The following FNDC3B variants were observed in gnomAD, a reference collection of about 807,000 sequenced individuals.
FNDC3B encodes the protein fibronectin type III domain containing 3B.
In FNDC3B, 12 loss-of-function variants were observed where a neutral mutation model predicts 151.5. The observed-to-expected ratio is 0.08, with a 90% CI of 0.05 to 0.13. The LOEUF (loss-of-function observed/expected upper bound fraction) is 0.13. Among genes scored for constraint, FNDC3B ranks in the 10% least tolerant of loss-of-function variants. The pLI is 1.00. For missense variants in FNDC3B, 1,214 were observed against 1,505.3 expected (o/e 0.81, Z 3.20); for synonymous variants, 528 against 549.0 (o/e 0.96, Z 0.54).
At chr3:172,275,729 C>G (rs913754076) in intron 6 of FNDC3B, among the ~76,000 whole-genome samples, 9 of 152,294 alleles carry the variant, frequency 5.9e-5, no homozygotes, top group Admixed American at 5.2e-4. Context: ...CTTAACTTTT[C>G]ATTTTAGTTC....
intron 3 of FNDC3B, among the ~76,000 whole-genome samples, chr3:172,160,618 G>C (rs1722718648): frequency 1.3e-5 from 2 of 152,186 alleles, no homozygotes; most frequent in Admixed American, 1.3e-4. Context: ...GTCAGTTTGG[G>C]CTAGGGGGCC....
intron 3 of FNDC3B, among the ~76,000 whole-genome samples, chr3:172,168,719 C>CCTTT (rs1553768473): frequency 7.5e-6 from 1 of 133,194 alleles, no homozygotes; most frequent in Non-Finnish European, 1.6e-5. Flanking sequence ...TTTTCTTTTA[C>CCTTT]TTTTTTTTTT....
chr3:172,190,587 G>A (rs1264409949), intron 3 of FNDC3B, among the ~76,000 whole-genome samples: 1 of 152,208 alleles, frequency 6.6e-6, no homozygotes, highest in Non-Finnish European at 1.5e-5. Flanking sequence ...ATTTTATTGT[G>A]ACGCCTTCTA....
intron 3 of FNDC3B, among the ~76,000 whole-genome samples, chr3:172,224,665 G>T (rs1281203915): frequency 6.6e-6 from 1 of 152,142 alleles, no homozygotes; most frequent in Non-Finnish European, 1.5e-5. Context: ...GATGCATTGT[G>T]TGCACGTTTA....
chr3:172,254,741 T>G (rs939848914), intron 6 of FNDC3B, among the ~76,000 whole-genome samples: 2 of 152,190 alleles, frequency 1.3e-5, no homozygotes, highest in African/African-American at 4.8e-5. Flanking sequence ...AGGCCCATAG[T>G]ACACTCTGAG....
intron 10 of FNDC3B, among the ~76,000 whole-genome samples, chr3:172,307,922 A>G (rs1196741758): frequency 2.0e-5 from 3 of 152,232 alleles, no homozygotes; most frequent in African/African-American, 4.8e-5. Context: ...AGCAACACGT[A>G]TAAGTGATAT....
intron 3 of FNDC3B, among the ~76,000 whole-genome samples, chr3:172,175,498 A>G (rs1489437285): frequency 6.6e-6 from 1 of 152,204 alleles, no homozygotes; most frequent in Non-Finnish European, 1.5e-5. Context: ...CATTGCTGAA[A>G]GGCAAATTCT....
intron 1 of FNDC3B, among the ~76,000 whole-genome samples, chr3:172,074,099 C>T (rs1386270612): frequency 2.6e-5 from 4 of 152,204 alleles, no homozygotes; most frequent in African/African-American, 9.6e-5. Flanking sequence ...ATATAATTGT[C>T]TGCAAATGAA....
At chr3:172,170,605 G>A (rs1044569027) in intron 3 of FNDC3B, among the ~76,000 whole-genome samples, 8 of 152,202 alleles carry the variant, frequency 5.3e-5, no homozygotes, top group African/African-American at 1.9e-4. Flanking sequence ...CAGTAGCCAG[G>A]TGGGCTTGGC....
intron 4 of FNDC3B, among the ~76,000 whole-genome samples, chr3:172,238,185 A>G (rs1727267686): frequency 1.3e-5 from 2 of 151,960 alleles, no homozygotes; most frequent in African/African-American, 4.8e-5. Flanking sequence ...TTAATTTTTG[A>G]TTTTTATTTT....
chr3:172,042,007 A>C (rs1716106520), intron 1 of FNDC3B, among the ~76,000 whole-genome samples: 1 of 152,196 alleles, frequency 6.6e-6, no homozygotes, highest in African/African-American at 2.4e-5. Context: ...TTAAAAAAAA[A>C]ATCAGTCATT....
At chr3:172,373,631 A>G (rs1038375225) in intron 23 of FNDC3B, among the ~76,000 whole-genome samples, 3 of 152,230 alleles carry the variant, frequency 2.0e-5, no homozygotes, top group Non-Finnish European at 4.4e-5. Context: ...TAAAAAAGAT[A>G]TAGGAGCAAG....
chr3:172,332,026 G>A lies in FNDC3B; in HGVS notation c.1555-1063G>A, dbSNP rs189615970. Among the ~76,000 whole-genome samples, 23 of 152,188 alleles carry A rather than the reference G, an allele frequency of 1.5e-4. No homozygotes were observed. The Middle Eastern group carries it at 0.017, about 113-fold the overall frequency. ...CGCCTTGTTGTCCAGGCTGGAGTGC[G>A]GTGGTGCAATCTTGGCCCTCTGCAA... On this transcript the variant is annotated intron_variant, in intron 13 of 25. Transcript: ENST00000415807.
At chr3:172,195,558 A>T (rs891163297) in intron 3 of FNDC3B, among the ~76,000 whole-genome samples, 1 of 152,224 alleles carries the variant, frequency 6.6e-6, no homozygotes, top group Non-Finnish European at 1.5e-5. Flanking sequence ...AATTTTGTGT[A>T]ACTTAGCTCT....
chr3:172,380,883 G>C (rs538501480), intron 24 of FNDC3B, 83 bp from the exon 25 acceptor site: 16 of 1,480,328 alleles, frequency 1.1e-5, no homozygotes, highest in Admixed American at 1.7e-5. Flanking sequence ...GCTCTCTCTG[G>C]GTTCTCACTA....
At chr3:172,149,967 C>T (rs956948682) in intron 3 of FNDC3B, among the ~76,000 whole-genome samples, 10 of 151,614 alleles carry the variant, frequency 6.6e-5, no homozygotes, top group African/African-American at 1.2e-4. Flanking sequence ...TTCAGGTGCC[C>T]GTCACCGTGC....
Position 172,401,349 on chromosome 3 carries a change from CTG to C in FNDC3B, c.*3877_*3878del, listed in dbSNP as rs1378761580. On this transcript the variant is annotated 3_prime_UTR_variant, in exon 26 of 26. Coordinates refer to ENST00000415807, the MANE Select transcript of FNDC3B (RefSeq NM_022763.4). ...TCTTGCTGACCAAGGCCTTGGAGGA[CTG>C]TGAGCCACAATCACATATGTCCATG... 2 of 152,216 alleles carry C rather than the reference CTG, an allele frequency of 1.3e-5. No individual in the cohort carries two copies. Among genetic ancestry groups the C allele is most frequent in the African/African-American group, 2.4e-5 (1 of 41,444 alleles). 9.4% of individuals were successfully genotyped at this position (152,216 alleles called of 1,614,324 possible). A position where few individuals can be genotyped will look rare whatever the true frequency, so the allele number is the denominator to read the frequency against.
chr3:172,304,456 T>TG (rs1193888578), intron 9 of FNDC3B, among the ~76,000 whole-genome samples: 9 of 152,144 alleles, frequency 5.9e-5, no homozygotes, highest in African/African-American at 2.2e-4. Context: ...ACAGCTAAAC[T>TG]GGGTTGGGTA....
chr3:172,397,054 G>C (rs1736326043), intron 25 of FNDC3B, 110 bp from the exon 26 acceptor site: 2 of 785,426 alleles, frequency 2.5e-6, no homozygotes, highest in East Asian at 2.6e-5. Context: ...TGTTATAAGA[G>C]TGAATGTGAA....
Sources: allele counts gnomAD v4.1 joint callset (sites outside exome capture counted in the v4.1 genomes callset), GRCh38; gene constraint gnomAD v4.1.1; transcripts MANE v1.5; gene names NCBI Gene and HGNC (gene_info 2026-07-23, HGNC 2026-07-21).